The following CMTR1 variants were observed in gnomAD, a reference collection of about 807,000 sequenced individuals.
CMTR1 encodes cap-specific mRNA (nucleoside-2'-O-)-methyltransferase 1.
Under a neutral mutation model 107.0 loss-of-function variants are expected in CMTR1, and 39 were observed. The observed-to-expected ratio is 0.36, with a 90% CI of 0.28 to 0.48. The LOEUF (loss-of-function observed/expected upper bound fraction) is 0.48, where lower values mean the gene tolerates loss of function less well. CMTR1 is among the 20% of genes least tolerant of loss of function. The pLI is 0.99. For synonymous variants in CMTR1, 366 were observed against 379.5 expected, an observed-to-expected ratio of 0.96 and a Z score of 0.41; for missense variants, 672 against 1,064.9, an observed-to-expected ratio of 0.63 and a Z score of 5.14.
At position 37,478,454 on chromosome 6, in the gene CMTR1, C is replaced by G; in HGVS notation, c.2199C>G (p.Leu733=). 6.2e-7 allele frequency: 1 copy of G among 1,614,128 alleles called. No individual in the cohort carries two copies. Among genetic ancestry groups the G allele is most frequent in the Non-Finnish European group, 8.5e-7 (1 of 1,179,998 alleles). The change falls in exon 22 of 24, where the codon CTC becomes CTG. Residue 733 remains leucine (L), a synonymous_variant. Coordinates refer to ENST00000373451, the MANE Select transcript of CMTR1 (RefSeq NM_015050.3). ...IIKGSSGTPK[L]SYTGRDDRHF... ...AGGGCTCCAGTGGCACCCCAAAGCT[C>G]AGCTACACAGGGCGTGATGACCGGC...
At chr6:37,457,357 C>T (rs1373492160) in intron 8 of CMTR1, among the ~76,000 whole-genome samples, 5 of 152,134 alleles carry the variant, frequency 3.3e-5, no homozygotes, top group Admixed American at 6.5e-5. Flanking sequence ...CTGGAAGCTG[C>T]TGTTGCTGCA....
intron 5 of CMTR1, 103 bp downstream of exon 5, chr6:37,450,446 A>G: frequency 1.2e-6 from 1 of 827,018 alleles, no homozygotes; most frequent in Non-Finnish European, 2.1e-6. Flanking sequence ...GAAAAATGTG[A>G]ATCTGACCAT....
the CMTR1 span, among the ~76,000 whole-genome samples, chr6:37,427,923 T>C: frequency 6.6e-6 from 1 of 152,094 alleles, no homozygotes; most frequent in Non-Finnish European, 1.5e-5. This position sits in a 1 kb window ranked among gnomAD's most constrained non-coding sequence, Gnocchi z 4.4. Context: ...TTGGCCTCCA[T>C]GGTTTCTGAT....
intron 8 of CMTR1, among the ~76,000 whole-genome samples, chr6:37,455,019 A>G (rs1761260652): frequency 6.6e-6 from 1 of 152,036 alleles, no homozygotes. Context: ...TAAGAGCAGG[A>G]GAATTTGAAG....
intron 10 of CMTR1, 121 bp from the exon 11 acceptor site, chr6:37,461,428 A>G: frequency 1.7e-6 from 1 of 572,760 alleles, no homozygotes; most frequent in Non-Finnish European, 3.1e-6. Context: ...CTGCTTCTTC[A>G]TCAATCAGAT....
chr6:37,477,329 C>T (rs550502688), intron 20 of CMTR1, among the ~76,000 whole-genome samples: 7 of 152,328 alleles, frequency 4.6e-5, no homozygotes, highest in African/African-American at 1.7e-4. Context: ...TTTCTCCCTC[C>T]TGTCTTCAGT....
In CMTR1 at chr6:37,458,207, A is replaced by G. The variant is rs2113877833; in HGVS notation, c.778-405A>G. On this transcript the variant is annotated intron_variant, in intron 8 of 23. Transcript: ENST00000373451. The surrounding 1 kb of genome is among the most constrained non-coding windows in gnomAD (Gnocchi z 4.7). ...GTAGCTGGGTTTACAGGTGTGCGCC[A>G]CCACACCTGGCTAATTTTTTGTATT... Among the ~76,000 whole-genome samples, 1 of 152,020 alleles carries G rather than the reference A, an allele frequency of 6.6e-6. No homozygotes were observed. The highest frequency in any genetic ancestry group is 1.5e-5 in the Non-Finnish European group (1 of 67,960).
chr6:37,475,219 C>G, intron 18 of CMTR1, 102 bp from the exon 19 acceptor site: 2 of 891,384 alleles, frequency 2.2e-6, no homozygotes, highest in Non-Finnish European at 3.7e-6. Flanking sequence ...CCCTACCCTT[C>G]CCCCAGCTGT....
chr6:37,424,458 A>G, the CMTR1 span, among the ~76,000 whole-genome samples: 3 of 151,638 alleles, frequency 2.0e-5, no homozygotes, highest in Non-Finnish European at 2.9e-5. Flanking sequence ...CGTGTTAGCC[A>G]GGATGGTCTG....
At chr6:37,474,357 T>A (rs561781758) in intron 17 of CMTR1, among the ~76,000 whole-genome samples, 167 bp from the exon 18 acceptor site, 16 of 152,380 alleles carry the variant, frequency 1.1e-4, no homozygotes, top group African/African-American at 3.6e-4. Flanking sequence ...AACACTACTA[T>A]CATTATCACT....
chr6:37,463,212 A>G (rs913595671), intron 13 of CMTR1, among the ~76,000 whole-genome samples: 2 of 152,170 alleles, frequency 1.3e-5, no homozygotes, highest in Non-Finnish European at 2.9e-5. Flanking sequence ...CCCTATCCCA[A>G]GGGTGGCAGG....
At chr6:37,447,883 C>T (rs1430773913) in intron 4 of CMTR1, among the ~76,000 whole-genome samples, 1 of 141,326 alleles carries the variant, frequency 7.1e-6, no homozygotes, top group Non-Finnish European at 1.5e-5. Flanking sequence ...AAAAAAAAAG[C>T]CCTATAAGTA....
Position 37,480,455 on chromosome 6 carries a change from C to CA in CMTR1, c.*311dup, listed in dbSNP as rs1561795395. ...CACGTGGGACTGATGGAGGACATAT[C>CA]AGAGTGGCAGAGCTGTGGGCTCTGC... On this transcript the variant is annotated 3_prime_UTR_variant, in exon 24 of 24. Transcript: ENST00000373451. 8.4e-7 allele frequency: 1 copy of CA among 1,184,468 alleles called. No homozygotes were observed. The allele number at this position is 1,184,468 out of a possible 1,614,324, so 73.4% of individuals were successfully genotyped here.
At position 37,478,421 on chromosome 6, in the gene CMTR1, G is replaced by A. The variant is rs1216795597; in HGVS notation, c.2166G>A (p.Lys722=). The A allele has an allele frequency of 6.2e-7, 1 of 1,613,984 alleles. No individual in the cohort carries two copies. The highest frequency in any genetic ancestry group is 8.5e-7 in the Non-Finnish European group (1 of 1,179,906). ...TCGGGGAAATCAGGTTGGAGATGAA[G>A]ATCATCAAGGGCTCCAGTGGCACCC... The part of the protein sequence containing the change: ...MEKIFVRLEM[K]IIKGSSGTPK... Residue 722 remains lysine (K), a synonymous_variant, in exon 22 of 24, where the codon AAG becomes AAA. Transcript: ENST00000373451.
At chr6:37,453,823 C>T (rs1761234381) in intron 8 of CMTR1, among the ~76,000 whole-genome samples, 1 of 152,144 alleles carries the variant, frequency 6.6e-6, no homozygotes, top group Admixed American at 6.5e-5. Flanking sequence ...TTCTTTGGGC[C>T]TCAGCTCCCT....
intron 13 of CMTR1, among the ~76,000 whole-genome samples, chr6:37,468,055 G>T (rs546770420): frequency 3.0e-4 from 28 of 93,328 alleles, no homozygotes; most frequent in South Asian, 5.2e-4. Context: ...TCTGTTTTGT[G>T]GGGGGGGGGA....
At chr6:37,466,409 C>A (rs550181055) in intron 13 of CMTR1, among the ~76,000 whole-genome samples, 1 of 152,244 alleles carries the variant, frequency 6.6e-6, no homozygotes, top group Admixed American at 6.5e-5. Context: ...GCTGGAATTA[C>A]GGGTGTGAAC....
At position 37,478,497 on chromosome 6, in the gene CMTR1, C is replaced by G. The variant is rs777651763; in HGVS notation, c.2242C>G (p.Leu748Val). The G allele has an allele frequency of 6.2e-7, 1 of 1,613,968 alleles. No homozygotes were observed. The highest frequency in any genetic ancestry group is 1.1e-5 in the South Asian group (1 of 91,076). The change falls in exon 22 of 24, where the codon CTC becomes GTC. Residue 748 changes from leucine (L) to valine (V), a missense_variant. Transcript: ENST00000373451. ...RDDRHFVPMGLYIVRTVNEPW... is the reference protein window; with the variant it reads ...RDDRHFVPMGVYIVRTVNEPW... ...TGACCGGCACTTTGTACCCATGGGC[C>G]TCTACATCGTCAGGACAGTGAATGG...
rs562989456 is a variant in CMTR1 at position 37,437,296 on chromosome 6, G to A, written c.133+1534G>A. Reference sequence around the variant, plus strand: ...AATCCCGGCACTTTGGGAGGCTAAGGTGGGCGGATCACGAGGTCAGGAGAT... The same window carrying A: ...AATCCCGGCACTTTGGGAGGCTAAGATGGGCGGATCACGAGGTCAGGAGAT... On this transcript the variant is annotated intron_variant, in intron 2 of 23. Coordinates refer to ENST00000373451, the MANE Select transcript of CMTR1 (RefSeq NM_015050.3). Among the ~76,000 whole-genome samples, 20 of 151,638 alleles carry A rather than the reference G, an allele frequency of 1.3e-4. No homozygotes were observed. The East Asian group carries it at 3.9e-3, about 29-fold the overall frequency.
Sources: gnomAD v4.1 joint callset for allele counts (sites outside exome capture counted in the v4.1 genomes callset) on GRCh38, gnomAD v4.1.1 for gene constraint, Gnocchi (gnomAD v3.1) non-coding constraint, MANE v1.5 for transcripts, NCBI Gene and HGNC (gene_info 2026-07-23, HGNC 2026-07-21) for gene names.